Variants in RANGAP1 observed in about 807,000 individuals in gnomAD.
The protein encoded by RANGAP1 is Ran GTPase activating protein 1.
A neutral mutation model predicts 63.5 loss-of-function variants in RANGAP1; 38 were observed. That is an observed-to-expected ratio of 0.60 (90% CI 0.46 to 0.78). RANGAP1 has a LOEUF of 0.78. RANGAP1 is among the 30% of genes least tolerant of loss of function. The pLI, the probability that RANGAP1 is intolerant of heterozygous loss-of-function variation, is 0.00. For missense variants in RANGAP1, 630 were observed against 740.3 expected (o/e 0.85, Z 1.73); for synonymous variants, 329 against 310.5 (o/e 1.06, Z -0.63).
intron 1 of RANGAP1, among the ~76,000 whole-genome samples, chr22:41,284,140 G>A (rs1426167919): frequency 1.3e-5 from 2 of 151,916 alleles, no homozygotes; most frequent in Admixed American, 6.6e-5. Flanking sequence ...CCAGCTACTC[G>A]GGAGGCTGAG....
chr22:41,300,105 A>G, the RANGAP1 span, among the ~76,000 whole-genome samples: 2 of 151,944 alleles, frequency 1.3e-5, no homozygotes, highest in Non-Finnish European at 2.9e-5. Context: ...GTCTTGTAAT[A>G]AAGACCCCTT....
chr22:41,284,021 G>T (rs1012839685), intron 1 of RANGAP1, among the ~76,000 whole-genome samples: 3 of 152,164 alleles, frequency 2.0e-5, no homozygotes, highest in African/African-American at 7.2e-5. Context: ...GGCTGAGGTG[G>T]GCGGATCACG....
chr22:41,254,253 G>A, intron 11 of RANGAP1, 55 bp downstream of exon 11: 1 of 1,604,580 alleles, frequency 6.2e-7, no homozygotes, highest in South Asian at 1.1e-5. Context: ...AAGTGCCTCG[G>A]GATTTCACGT....
rs2033894874 is a variant in RANGAP1, at chr22:41,257,207, T to C, written c.775-383A>G. Among the ~76,000 whole-genome samples the C allele has an allele frequency of 6.6e-6, 1 of 152,150 alleles. No individual in the cohort carries two copies. Among genetic ancestry groups the C allele is most frequent in the African/African-American group, 2.4e-5 (1 of 41,410 alleles). ...CAGGAAGCCTGCCCTAAGTCTGATT[T>C]GAACTTCCTTCTGGCGTGTTCCCCA... On this transcript the variant is annotated intron_variant, in intron 7 of 15. Coordinates refer to ENST00000356244, the MANE Select transcript of RANGAP1 (RefSeq NM_002883.4). The surrounding 1 kb of genome is among the most constrained non-coding windows in gnomAD (Gnocchi z 4.0).
intron 6 of RANGAP1, among the ~76,000 whole-genome samples, chr22:41,259,508 A>G (rs1291681815): frequency 6.6e-6 from 1 of 152,206 alleles, no homozygotes; most frequent in Non-Finnish European, 1.5e-5. Context: ...AACATTTAGG[A>G]AAAAACTCCA....
chr22:41,264,305 G>A (rs1478151263), intron 5 of RANGAP1, among the ~76,000 whole-genome samples: 6 of 152,144 alleles, frequency 3.9e-5, no homozygotes, highest in African/African-American at 1.4e-4. Flanking sequence ...CTGAGCATAT[G>A]CTCCTCTTTT....
chr22:41,256,867 C>T (rs1217130792), intron 7 of RANGAP1, 43 bp from the exon 8 acceptor site: 6 of 1,534,334 alleles, frequency 3.9e-6, no homozygotes, highest in South Asian at 1.1e-5. Flanking sequence ...GTGCAGACCA[C>T]ACCCCAGCCC....
intron 5 of RANGAP1, among the ~76,000 whole-genome samples, chr22:41,263,941 C>T (rs1447102383): frequency 6.6e-6 from 1 of 152,246 alleles, no homozygotes; most frequent in Admixed American, 6.5e-5. Flanking sequence ...ACTGGGATGG[C>T]ATCAGCCACC....
chr22:41,285,700 C>G (rs1281501151), intron 1 of RANGAP1: 2 of 984,244 alleles, frequency 2.0e-6, no homozygotes, highest in African/African-American at 3.5e-5. Flanking sequence ...CGCACCGCCT[C>G]CGGTTGACAA....
intron 6 of RANGAP1, among the ~76,000 whole-genome samples, chr22:41,259,234 A>G (rs2034022455): frequency 6.6e-6 from 1 of 152,086 alleles, no homozygotes; most frequent in South Asian, 2.1e-4. Flanking sequence ...GGCCTGGCTT[A>G]ACTGTGCCAA....
chr22:41,280,570 C>T, intron 2 of RANGAP1: 1 of 977,522 alleles, frequency 1.0e-6, no homozygotes, highest in Non-Finnish European at 1.4e-6. Context: ...ATTCCCAGGC[C>T]TGCCTGGGAT....
chr22:41,258,202 C>G, intron 6 of RANGAP1, 96 bp from the exon 7 acceptor site: 1 of 1,383,066 alleles, frequency 7.2e-7, no homozygotes, highest in Non-Finnish European at 9.8e-7. Context: ...CAGGAATGGG[C>G]TGCCGCCAGC....
intron 2 of RANGAP1, among the ~76,000 whole-genome samples, chr22:41,275,635 T>G (rs890213100): frequency 2.6e-5 from 4 of 151,978 alleles, no homozygotes; most frequent in African/African-American, 9.7e-5. Context: ...AAAAATTAGC[T>G]GGGCGTGATG....
At chr22:41,300,428 TCACACACACA>T in the RANGAP1 span, among the ~76,000 whole-genome samples, 1,688 of 36,254 alleles carry the variant, frequency 0.047, 173 homozygotes, top group African/African-American at 0.17. Context: ...TATTGGGAAC[TCACACACACA>T]CACACACACA....
intron 15 of RANGAP1, among the ~76,000 whole-genome samples, chr22:41,248,776 C>T (rs987874383): frequency 6.6e-6 from 1 of 152,216 alleles, no homozygotes; most frequent in African/African-American, 2.4e-5. Context: ...CCATCAATGC[C>T]CCGGGACACC....
chr22:41,267,109 C>A (rs1034136130), intron 4 of RANGAP1, among the ~76,000 whole-genome samples: 1 of 151,760 alleles, frequency 6.6e-6, no homozygotes, highest in African/African-American at 2.4e-5. Flanking sequence ...GAACTCCTGA[C>A]CTCAAGCGAT....
intron 14 of RANGAP1, 119 bp downstream of exon 14, chr22:41,249,610 C>G (rs982967694): frequency 6.6e-7 from 1 of 1,523,552 alleles, no homozygotes; most frequent in African/African-American, 1.4e-5. Context: ...GGCCTCGGGG[C>G]CCCGTGGGCG....
chr22:41,265,984 C>T (rs541126032), intron 4 of RANGAP1, among the ~76,000 whole-genome samples: 10 of 152,060 alleles, frequency 6.6e-5, no homozygotes, highest in South Asian at 2.1e-4. Flanking sequence ...GGGCGGATCA[C>T]GAGGTCGGGA....
At chr22:41,278,127 C>G (rs2035267164) in intron 2 of RANGAP1, among the ~76,000 whole-genome samples, 1 of 151,506 alleles carries the variant, frequency 6.6e-6, no homozygotes, top group Non-Finnish European at 1.5e-5. Context: ...ACCTCCGCCT[C>G]CCGGGTTCAA....
Sources: allele counts gnomAD v4.1 joint callset (sites outside exome capture counted in the v4.1 genomes callset), GRCh38; gene constraint gnomAD v4.1.1; non-coding constraint Gnocchi (gnomAD v3.1); transcripts MANE v1.5; gene names NCBI Gene and HGNC (gene_info 2026-07-23, HGNC 2026-07-21).